The following RSRC1 variants were observed in gnomAD, a reference collection of about 807,000 sequenced individuals.
RSRC1 encodes the protein serine/Arginine-related protein 53.
A neutral mutation model predicts 49.1 loss-of-function variants in RSRC1; 39 were observed. The observed-to-expected ratio is 0.79, with a 90% CI of 0.61 to 1.04. RSRC1 has a LOEUF of 1.04. Ranked by LOEUF, RSRC1 falls within the 50% of genes least tolerant of loss-of-function variation. RSRC1 has a pLI of 0.00. For missense variants in RSRC1, 388 were observed against 402.4 expected (o/e 0.96, Z 0.31); for synonymous variants, 143 against 130.8 (o/e 1.09, Z -0.63).
At chr3:158,251,757 G>A (rs897278846) in intron 4 of RSRC1, among the ~76,000 whole-genome samples, 3 of 152,180 alleles carry the variant, frequency 2.0e-5, no homozygotes, top group Non-Finnish European at 4.4e-5. Flanking sequence ...CATATCATCT[G>A]CAAACAAGGA....
intron 7 of RSRC1, among the ~76,000 whole-genome samples, chr3:158,510,467 G>A (rs534371894): frequency 6.6e-6 from 1 of 151,774 alleles, no homozygotes; most frequent in African/African-American, 2.4e-5. Context: ...ATTCTCCAAA[G>A]AATTTCCCAC....
intron 4 of RSRC1, among the ~76,000 whole-genome samples, chr3:158,252,203 C>T (rs1300854463): frequency 6.6e-6 from 1 of 151,394 alleles, no homozygotes; most frequent in Non-Finnish European, 1.5e-5. Context: ...GCTCTGTTGC[C>T]TAGACTGGAG....
chr3:158,329,794 TCTG>T (rs1729429739), intron 5 of RSRC1, among the ~76,000 whole-genome samples: 2 of 152,204 alleles, frequency 1.3e-5, no homozygotes, highest in Non-Finnish European at 2.9e-5. Context: ...TGCAGAGATT[TCTG>T]CTGCCTTTTG....
intron 5 of RSRC1, among the ~76,000 whole-genome samples, chr3:158,304,238 G>A (rs988886597): frequency 1.3e-5 from 2 of 152,122 alleles, no homozygotes; most frequent in African/African-American, 4.8e-5. Flanking sequence ...ATGTAGGCAG[G>A]CCCATTGCTA....
At chr3:158,478,334 C>G (rs896926462) in intron 7 of RSRC1, among the ~76,000 whole-genome samples, 1 of 151,050 alleles carries the variant, frequency 6.6e-6, no homozygotes, top group African/African-American at 2.4e-5. Context: ...TGGGTTTTGT[C>G]TTTATCTAAC....
chr3:158,324,647 G>C (rs979754980), intron 5 of RSRC1, among the ~76,000 whole-genome samples: 2 of 152,134 alleles, frequency 1.3e-5, no homozygotes, highest in African/African-American at 4.8e-5. Flanking sequence ...GGACATTTGG[G>C]TTGGTTCCAA....
intron 5 of RSRC1, among the ~76,000 whole-genome samples, chr3:158,336,967 C>G (rs1265318499): frequency 6.6e-6 from 1 of 152,164 alleles, no homozygotes. Context: ...ATCAGGGAGC[C>G]CGGCATAGCC....
At chr3:158,122,903 G>T (rs755410570) in intron 2 of RSRC1, among the ~76,000 whole-genome samples, 2 of 152,166 alleles carry the variant, frequency 1.3e-5, no homozygotes, top group Non-Finnish European at 2.9e-5. Context: ...TACAAAGGAT[G>T]TGAACTCATC....
At chr3:158,481,994 A>T (rs1443971832) in intron 7 of RSRC1, among the ~76,000 whole-genome samples, 1 of 151,996 alleles carries the variant, frequency 6.6e-6, no homozygotes, top group Non-Finnish European at 1.5e-5. Context: ...AATCCTAAAA[A>T]CTCAGAGTAA....
intron 6 of RSRC1, among the ~76,000 whole-genome samples, chr3:158,455,756 G>A (rs894327179): frequency 6.6e-6 from 1 of 151,958 alleles, no homozygotes; most frequent in African/African-American, 2.4e-5. Context: ...GAGACAAGCG[G>A]ATCACCTGAG....
chr3:158,196,486 C>G (rs895097172), intron 3 of RSRC1, among the ~76,000 whole-genome samples: 16 of 152,094 alleles, frequency 1.1e-4, no homozygotes, highest in African/African-American at 3.9e-4. Flanking sequence ...ATTGAATACC[C>G]TTTATTTCCT....
intron 6 of RSRC1, among the ~76,000 whole-genome samples, chr3:158,374,611 A>G (rs1365428524): frequency 6.6e-6 from 1 of 152,188 alleles, no homozygotes; most frequent in Non-Finnish European, 1.5e-5. Context: ...ATATCTGTAC[A>G]GTACATTTAA....
intron 3 of RSRC1, among the ~76,000 whole-genome samples, chr3:158,192,839 G>A (rs1578181867): frequency 1.3e-5 from 2 of 152,112 alleles, no homozygotes; most frequent in East Asian, 3.9e-4. Flanking sequence ...AAGGATATTA[G>A]TACTTCAGAT....
Position 158,458,540 on chromosome 3 carries a change from G to A in RSRC1, c.584-2395G>A, listed in dbSNP as rs193243590. ...AGAAATGACTTTCTTGGCGTCCAGG[G>A]TGGGTAGTGAAGGAAGCGAAGCCTA... On this transcript the variant is annotated intron_variant, in intron 6 of 9. Coordinates refer to ENST00000611884, the MANE Select transcript of RSRC1 (RefSeq NM_001271838.2). Among the ~76,000 whole-genome samples, 49 of 152,302 alleles carry A rather than the reference G, an allele frequency of 3.2e-4. 1 individual carries two copies. The highest frequency in any genetic ancestry group is 1.2e-3 in the African/African-American group (49 of 41,570).
intron 6 of RSRC1, among the ~76,000 whole-genome samples, chr3:158,417,132 G>A (rs1411962338): frequency 1.3e-5 from 2 of 151,930 alleles, no homozygotes; most frequent in Non-Finnish European, 2.9e-5. Context: ...CATATCACTA[G>A]TTGAACAGTG....
At chr3:158,164,034 T>G (rs1309250664) in intron 3 of RSRC1, among the ~76,000 whole-genome samples, 1 of 152,192 alleles carries the variant, frequency 6.6e-6, no homozygotes, top group African/African-American at 2.4e-5. Flanking sequence ...CAAGCCACAG[T>G]GTTTTCTGTA....
At chr3:158,243,171 T>C (rs1723692116) in intron 4 of RSRC1, among the ~76,000 whole-genome samples, 1 of 152,212 alleles carries the variant, frequency 6.6e-6, no homozygotes, top group South Asian at 2.1e-4. Context: ...CTGAAGTTTT[T>C]ATAGTTTCGG....
At chr3:158,335,567 C>T (rs1729837025) in intron 5 of RSRC1, among the ~76,000 whole-genome samples, 1 of 152,084 alleles carries the variant, frequency 6.6e-6, no homozygotes, top group Non-Finnish European at 1.5e-5. Context: ...TGGAGCCTTG[C>T]TTTGTGAAGA....
chr3:158,490,178 G>T (rs1739010622), intron 7 of RSRC1, among the ~76,000 whole-genome samples: 1 of 152,132 alleles, frequency 6.6e-6, no homozygotes, highest in African/African-American at 2.4e-5. Flanking sequence ...TCCTCCTCCA[G>T]GGTTCACACC....
Sources: allele counts gnomAD v4.1 joint callset (sites outside exome capture counted in the v4.1 genomes callset), GRCh38; gene constraint gnomAD v4.1.1; transcripts MANE v1.5; gene names NCBI Gene and HGNC (gene_info 2026-07-23, HGNC 2026-07-21).